ARHGEF15: variants seen among roughly 807,000 people sequenced by gnomAD.
ARHGEF15 encodes Rho guanine nucleotide exchange factor (GEF) 15.
ARHGEF15 carries 58 observed loss-of-function variants against 79.7 expected under a neutral mutation model. The observed-to-expected ratio is 0.73, with a 90% CI of 0.59 to 0.91. The LOEUF (loss-of-function observed/expected upper bound fraction) is 0.91. Among genes scored for constraint, ARHGEF15 ranks in the 40% least tolerant of loss-of-function variants. ARHGEF15 has a pLI of 0.00. For synonymous variants in ARHGEF15, 442 were observed against 456.0 expected, an observed-to-expected ratio of 0.97 and a Z score of 0.39; for missense variants, 1,012 against 1,108.1, an observed-to-expected ratio of 0.91 and a Z score of 1.23.
In ARHGEF15 at chr17:8,314,981, C is replaced by T. The variant is rs201417967; in HGVS notation, c.1048+17C>T. On this transcript the variant is annotated intron_variant, in intron 5 of 15. Transcript: ENST00000361926. ...TGCAGGATGGTGAGGGCCTCTGGAC[C>T]TGAGGGTCCCTGCTGTGACCATCAA... is the stretch of plus-strand genomic sequence containing the variant. 1.9e-6 allele frequency: 3 copies of T among 1,613,956 alleles called. No homozygotes were observed. The highest frequency in any genetic ancestry group is 2.5e-6 in the Non-Finnish European group (3 of 1,179,918).
intron 15 of ARHGEF15, 105 bp from the exon 16 acceptor site, chr17:8,320,737 A>G (rs1905326673): frequency 2.0e-6 from 2 of 1,001,218 alleles, no homozygotes; most frequent in Non-Finnish European, 1.5e-6. Flanking sequence ...ATGAATTCCC[A>G]CACCTACAAT....
chr17:8,319,222 C>G (rs1277343084), intron 13 of ARHGEF15, 63 bp downstream of exon 13: 7 of 1,606,150 alleles, frequency 4.4e-6, no homozygotes, highest in Admixed American at 3.4e-5. Context: ...AGACCTCCCC[C>G]ACTTCCCCAG....
At chr17:8,317,268 AATTTTT>A (rs1430683193) in intron 9 of ARHGEF15, among the ~76,000 whole-genome samples, 6 of 151,110 alleles carry the variant, frequency 4.0e-5, no homozygotes, top group Non-Finnish European at 8.9e-5. Flanking sequence ...GCTATTTATT[AATTTTT>A]ATTTTTATAG....
At chr17:8,312,715 CA>C (rs1597461038) in intron 2 of ARHGEF15, 75 bp downstream of exon 2, 1 of 1,606,064 alleles carries the variant, frequency 6.2e-7, no homozygotes, top group Non-Finnish European at 8.5e-7. Flanking sequence ...TAACAACTTT[CA>C]GGGGCTACCT....
chr17:8,313,065 T>TCCC lies in ARHGEF15; in HGVS notation c.746_748dup (p.Ser249_Arg250insPro). On this transcript the variant is annotated inframe_insertion, in exon 3 of 16. Transcript: ENST00000361926. The stretch of plus-strand genomic sequence containing the variant: ...GGCCTCCCCGCTGCGGACCTCTCGC[T>TCCC]CCCGCCCCCACCCTCCAAGCATCGG... The TCCC allele has an allele frequency of 3.8e-6, 6 of 1,593,396 alleles. No homozygotes were observed. In the Admixed American group the frequency reaches 5.0e-5, roughly 13 times the overall value.
In ARHGEF15 at chr17:8,315,020, G is replaced by T; in HGVS notation, c.1049-46G>T. ...TGTGACCATCAAGCAGTGGGGAAGGGTTTGGGAGCCCTGGGCTTCCCTGAA... is the reference window on the plus strand; with the variant it reads ...TGTGACCATCAAGCAGTGGGGAAGGTTTTGGGAGCCCTGGGCTTCCCTGAA... On this transcript the variant is annotated intron_variant, in intron 5 of 15. Coordinates refer to ENST00000361926, the MANE Select transcript of ARHGEF15 (RefSeq NM_173728.4). The surrounding 1 kb of genome is among the most constrained non-coding windows in gnomAD (Gnocchi z 4.3). The T allele has an allele frequency of 6.2e-7, 1 of 1,613,842 alleles. No homozygotes were observed. The highest frequency in any genetic ancestry group is 8.5e-7 in the Non-Finnish European group (1 of 1,179,832).
chr17:8,318,205 A>G lies in ARHGEF15; in HGVS notation c.1705-182A>G, dbSNP rs773622270. On this transcript the variant is annotated intron_variant, in intron 9 of 15. Coordinates refer to ENST00000361926, the MANE Select transcript of ARHGEF15 (RefSeq NM_173728.4). The surrounding 1 kb of genome is among the most constrained non-coding windows in gnomAD (Gnocchi z 5.0). ...GGTGGGTATTAGCCCCATTTTACAG[A>G]TAGGGAAGCTGAGGCTCAGAGAGGT... 5 of 629,248 alleles carry G rather than the reference A, an allele frequency of 7.9e-6. No individual in the cohort carries two copies. The highest frequency in any genetic ancestry group is 1.1e-5 in the Non-Finnish European group (4 of 350,758). The allele number at this position is 629,248 out of a possible 1,614,324, so 39.0% of individuals were successfully genotyped here.
Position 8,319,053 on chromosome 17 carries a change from C to G in ARHGEF15, c.2080C>G (p.Gln694Glu), listed in dbSNP as rs1270007788. ...VLDYAHRSLVQAQQVPDPSGP... is the reference protein window; with the variant it reads ...VLDYAHRSLVEAQQVPDPSGP... ...GGACTATGCCCATCGCTCCCTGGTC[C>G]AGGCCCAGCAGGTTCCGGATCCATC... Residue 694 changes from glutamine to glutamate, a missense_variant, in exon 13 of 16, where the codon CAG (glutamine) becomes GAG (glutamate). By Grantham distance (29) the Gln-to-Glu change is conservative. Transcript: ENST00000361926. The G allele has an allele frequency of 6.2e-7, 1 of 1,614,032 alleles. No homozygotes were observed. Among genetic ancestry groups the G allele is most frequent in the African/African-American group, 1.3e-5 (1 of 75,016 alleles).
In ARHGEF15 at chr17:8,320,999, G is replaced by T. The variant is rs775107635; in HGVS notation, c.*6G>T. 1.2e-6 allele frequency: 2 copies of T among 1,614,014 alleles called. No individual in the cohort carries two copies. The highest frequency in any genetic ancestry group is 1.7e-6 in the Non-Finnish European group (2 of 1,179,986). On this transcript the variant is annotated 3_prime_UTR_variant, in exon 16 of 16. Coordinates refer to ENST00000361926, the MANE Select transcript of ARHGEF15 (RefSeq NM_173728.4). ...CCAATGCCCCCCCACCCTAATGCAG[G>T]CTGAGGAGGGGGCACATGTTGGGAG...
rs1264533158 is a variant in ARHGEF15 at position 8,322,244 on chromosome 17, A to T, written c.*1251A>T. The T allele has an allele frequency of 6.6e-6, 1 of 152,398 alleles. No homozygotes were observed. Among genetic ancestry groups the T allele is most frequent in the Non-Finnish European group, 1.5e-5 (1 of 68,146 alleles). 9.4% of individuals were successfully genotyped at this position (152,398 alleles called of 1,614,324 possible). ...GCTTCCAGATGAGCCAGTGCCTCGC[A>T]TGATACCAGAGGAGGCGAGGGACAG... On this transcript the variant is annotated 3_prime_UTR_variant, in exon 16 of 16. Coordinates refer to ENST00000361926, the MANE Select transcript of ARHGEF15 (RefSeq NM_173728.4).
In ARHGEF15 at chr17:8,312,361, G is replaced by A. The variant is rs139532485; in HGVS notation, c.322G>A (p.Ala108Thr). 5.6e-5 allele frequency: 89 copies of A among 1,601,768 alleles called. No homozygotes were observed. In the African/African-American group the frequency reaches 9.9e-4, roughly 18 times the overall value. ...ACCTAGTCCAGTGTCCCGGCGCTCC[G>A]CCTCCCCAGAACCTGCTCCCCGGTC... ...PTPSPVSRRS[A>T]SPEPAPRSPV... Residue 108 changes from alanine (A) to threonine (T), a missense_variant, in exon 2 of 16, where the codon GCC (alanine) becomes ACC (threonine). By Grantham distance (58) the Ala-to-Thr change is moderately conservative. Coordinates refer to ENST00000361926, the MANE Select transcript of ARHGEF15 (RefSeq NM_173728.4).
Position 8,319,082 on chromosome 17 carries a change from A to G in ARHGEF15, c.2109A>G (p.Gly703=). ...VQAQQVPDPS[G]PPTFRLSLLS... ...CCCAGCAGGTTCCGGATCCATCTGG[A>G]CCCCCTACCTTCCGCCTCTCCCTTC... Residue 703 remains glycine, a synonymous_variant, in exon 13 of 16, where the codon GGA becomes GGG. Coordinates refer to ENST00000361926, the MANE Select transcript of ARHGEF15 (RefSeq NM_173728.4). 1 of 1,612,692 alleles carries G rather than the reference A, an allele frequency of 6.2e-7. No homozygotes were observed. The highest frequency in any genetic ancestry group is 8.5e-7 in the Non-Finnish European group (1 of 1,179,660).
chr17:8,319,283 A>G (rs755806042), intron 13 of ARHGEF15, 29 bp from the exon 14 acceptor site: 91 of 1,611,532 alleles, frequency 5.6e-5, no homozygotes, highest in Non-Finnish European at 7.6e-5. Flanking sequence ...TTTTGGGCCA[A>G]CTGTGACACT....
In ARHGEF15 at chr17:8,312,405, G is replaced by A. The variant is rs571400409; in HGVS notation, c.366G>A (p.Lys122=). Residue 122 remains lysine (K), a synonymous_variant, in exon 2 of 16, where the codon AAG becomes AAA. Coordinates refer to ENST00000361926, the MANE Select transcript of ARHGEF15 (RefSeq NM_173728.4). Reference sequence around the variant, plus strand: ...CCCGGTCTCCAGTCCCCCCACCCAAGCCGTCTGGGTCACCCTGCACGCCTC... The same window carrying A: ...CCCGGTCTCCAGTCCCCCCACCCAAACCGTCTGGGTCACCCTGCACGCCTC... ...PAPRSPVPPP[K]PSGSPCTPLL... 12 of 1,612,780 alleles carry A rather than the reference G, an allele frequency of 7.4e-6. 1 individual carries two copies. In the South Asian group the frequency reaches 1.3e-4, roughly 18 times the overall value.
Position 8,313,269 on chromosome 17 carries a change from G to A in ARHGEF15, c.934+15G>A. ...AATCCAAACAGGTGCAGGGCCTGGG[G>A]GAGTGGACCTCTGGGCTGTGAGGGG... On this transcript the variant is annotated intron_variant, in intron 3 of 15. Transcript: ENST00000361926. The A allele has an allele frequency of 6.2e-7, 1 of 1,600,994 alleles. No individual in the cohort carries two copies. The highest frequency in any genetic ancestry group is 8.5e-7 in the Non-Finnish European group (1 of 1,177,904).
chr17:8,313,437 GTC>G lies in ARHGEF15; in HGVS notation c.935-63_935-62del. 6 of 1,577,260 alleles carry G rather than the reference GTC, an allele frequency of 3.8e-6. No homozygotes were observed. In the South Asian group the frequency reaches 6.9e-5, roughly 18 times the overall value. ...AGTAACCATCCCTGCTGGGGCTGGAGTCGGGAGTCCTGGCTGGGGATCCTGGA... is the reference window on the plus strand; with the variant it reads ...AGTAACCATCCCTGCTGGGGCTGGAGGGGAGTCCTGGCTGGGGATCCTGGA... On this transcript the variant is annotated intron_variant, in intron 3 of 15. Transcript: ENST00000361926.
Position 8,312,379 on chromosome 17 carries a change from C to G in ARHGEF15, c.340C>G (p.Pro114Ala), listed in dbSNP as rs777250745. 1 of 1,608,658 alleles carries G rather than the reference C, an allele frequency of 6.2e-7. No individual in the cohort carries two copies. Among genetic ancestry groups the G allele is most frequent in the Non-Finnish European group, 8.5e-7 (1 of 1,177,402 alleles). The change falls in exon 2 of 16, where the codon CCC becomes GCC. Residue 114 changes from proline (P) to alanine (A), a missense_variant. By Grantham distance (27) the Pro-to-Ala change is conservative (BLOSUM62 -1). Coordinates refer to ENST00000361926, the MANE Select transcript of ARHGEF15 (RefSeq NM_173728.4). ...SRRSASPEPA[P>A]RSPVPPPKPS... Reference sequence around the variant, plus strand: ...GCGCTCCGCCTCCCCAGAACCTGCTCCCCGGTCTCCAGTCCCCCCACCCAA... The same window carrying G: ...GCGCTCCGCCTCCCCAGAACCTGCTGCCCGGTCTCCAGTCCCCCCACCCAA...
At chr17:8,314,854 G>A (rs371384746) in intron 4 of ARHGEF15, 52 bp from the exon 5 acceptor site, 14 of 1,606,312 alleles carry the variant, frequency 8.7e-6, no homozygotes, top group African/African-American at 4.0e-5. Flanking sequence ...GCACCCCTAC[G>A]GTGGGCAGCA....
At chr17:8,317,987 T>A (rs1254421088) in intron 9 of ARHGEF15, 1 of 156,800 alleles carries the variant, frequency 6.4e-6, no homozygotes, top group Non-Finnish European at 1.4e-5. Context: ...GAGAATCACT[T>A]GAACCCGGGA....
Sources: gnomAD v4.1 joint callset for allele counts (sites outside exome capture counted in the v4.1 genomes callset) on GRCh38, gnomAD v4.1.1 for gene constraint, Gnocchi (gnomAD v3.1) non-coding constraint, MANE v1.5 for transcripts, NCBI Gene and HGNC (gene_info 2026-07-23, HGNC 2026-07-21) for gene names.